Variants in ALMS1 observed in about 807,000 individuals in gnomAD.
ALMS1 encodes centrosome-associated protein ALMS1.
ALMS1 carries 271 observed loss-of-function variants against 352.2 expected under a neutral mutation model. That is an observed-to-expected ratio of 0.77 (90% CI 0.70 to 0.85). ALMS1 has a LOEUF of 0.85. ALMS1 is among the 40% of genes least tolerant of loss of function. The pLI, the probability that ALMS1 is intolerant of heterozygous loss-of-function variation, is 0.00. For missense variants in ALMS1, 5,445 were observed against 4,870.7 expected (o/e 1.12, Z -3.51); for synonymous variants, 1,865 against 1,761.2 (o/e 1.06, Z -1.48).
chr2:73,496,285 T>C (rs1371298770), intron 10 of ALMS1, among the ~76,000 whole-genome samples: 9 of 152,220 alleles, frequency 5.9e-5, no homozygotes, highest in Admixed American at 5.9e-4. Flanking sequence ...CCCTGGTCTG[T>C]ATTCTTCCTT....
intron 11 of ALMS1, among the ~76,000 whole-genome samples, chr2:73,532,091 T>C (rs1333109841): frequency 2.0e-5 from 3 of 152,214 alleles, no homozygotes; most frequent in Non-Finnish European, 4.4e-5. Context: ...CTTTACTTTC[T>C]CCCAAAGAAA....
At position 73,451,140 on chromosome 2, in the gene ALMS1, T is replaced by C; in HGVS notation, c.4613T>C (p.Leu1538Ser). 2 of 1,613,990 alleles carry C rather than the reference T, an allele frequency of 1.2e-6. No homozygotes were observed. Among genetic ancestry groups the C allele is most frequent in the East Asian group, 4.5e-5 (2 of 44,862 alleles). ...AKSGSFYQLA[L>S]LGSQIPEEAL... ...TCTGGCAGTTTCTACCAACTGGCAT[T>C]GCTAGGTAGTCAAATACCTGAAGAG... The change falls in exon 8 of 23, where the codon TTG becomes TCG. Residue 1538 changes from leucine (L) to serine (S), a missense_variant. Coordinates refer to ENST00000613296, the MANE Select transcript of ALMS1 (RefSeq NM_001378454.1).
chr2:73,403,396 CT>C (rs765689512), intron 1 of ALMS1, among the ~76,000 whole-genome samples: 14 of 152,078 alleles, frequency 9.2e-5, no homozygotes, highest in Non-Finnish European at 1.9e-4. Context: ...TACATGTCTA[CT>C]TTTTATGCCA....
chr2:73,490,457 T>A lies in ALMS1; in HGVS notation c.8498T>A (p.Phe2833Tyr). 6.2e-7 allele frequency: 1 copy of A among 1,614,172 alleles called. No homozygotes were observed. Among genetic ancestry groups the A allele is most frequent in the Non-Finnish European group, 8.5e-7 (1 of 1,180,040 alleles). The change falls in exon 10 of 23, where the codon TTC becomes TAC. Residue 2833 changes from phenylalanine to tyrosine, a missense_variant. Phe to Tyr is a conservative substitution (Grantham distance 22). Transcript: ENST00000613296. The part of the protein sequence containing the change: ...EPSTRANCSN[F>Y]KEIQISDNHT... ...AGTACCAGGGCAAATTGTAGCAATTTCAAGGAAATTCAGATTTCTGATAAC... is the reference window on the plus strand; with the variant it reads ...AGTACCAGGGCAAATTGTAGCAATTACAAGGAAATTCAGATTTCTGATAAC...
intron 12 of ALMS1, among the ~76,000 whole-genome samples, chr2:73,544,557 A>C (rs1360317035): frequency 1.3e-5 from 2 of 152,212 alleles, no homozygotes; most frequent in African/African-American, 4.8e-5. Flanking sequence ...GAAAATTATC[A>C]GTGTTGTCAG....
chr2:73,498,139 C>T (rs976131883), intron 10 of ALMS1, among the ~76,000 whole-genome samples: 23 of 151,980 alleles, frequency 1.5e-4, no homozygotes, highest in Admixed American at 1.4e-3. Flanking sequence ...TTTAAAAATG[C>T]TAACAATTAT....
intron 10 of ALMS1, among the ~76,000 whole-genome samples, chr2:73,504,165 C>T (rs1418402806): frequency 6.6e-6 from 1 of 152,140 alleles, no homozygotes; most frequent in African/African-American, 2.4e-5. Flanking sequence ...AATGTCCTTA[C>T]ATAACTATAA....
chr2:73,427,611 A>T (rs1316634446), intron 6 of ALMS1, among the ~76,000 whole-genome samples: 2 of 151,882 alleles, frequency 1.3e-5, no homozygotes, highest in African/African-American at 4.8e-5. Flanking sequence ...TACATTAGGT[A>T]TTTCTCCTAA....
chr2:73,556,008 T>C (rs1393424829), intron 13 of ALMS1, among the ~76,000 whole-genome samples: 1 of 152,148 alleles, frequency 6.6e-6, no homozygotes, highest in African/African-American at 2.4e-5. Context: ...ATCCTTGATA[T>C]TGATAAACTG....
intron 1 of ALMS1, among the ~76,000 whole-genome samples, chr2:73,392,722 G>A (rs1670675730): frequency 6.6e-6 from 1 of 152,092 alleles, no homozygotes; most frequent in African/African-American, 2.4e-5. Flanking sequence ...ATATGGATAT[G>A]TGATATTTTG....
At chr2:73,569,684 A>C (rs1236396751) in intron 15 of ALMS1, among the ~76,000 whole-genome samples, 1 of 152,186 alleles carries the variant, frequency 6.6e-6, no homozygotes, top group Non-Finnish European at 1.5e-5. Flanking sequence ...TTATAAATGA[A>C]ATAAGCCATA....
intron 1 of ALMS1, among the ~76,000 whole-genome samples, chr2:73,399,650 G>T (rs1670832070): frequency 6.6e-6 from 1 of 151,888 alleles, no homozygotes; most frequent in Admixed American, 6.6e-5. Context: ...CAACACTGGG[G>T]ATTACATTTC....
intron 21 of ALMS1, chr2:73,604,080 A>G (rs1390096556): frequency 6.6e-6 from 1 of 152,226 alleles, no homozygotes; most frequent in African/African-American, 2.4e-5. Flanking sequence ...ATTTGTGCCT[A>G]TGTAGATGTG....
intron 1 of ALMS1, among the ~76,000 whole-genome samples, chr2:73,391,980 G>T (rs1176939916): frequency 6.6e-6 from 1 of 152,000 alleles, no homozygotes; most frequent in Non-Finnish European, 1.5e-5. Flanking sequence ...ATTCTTTTCA[G>T]TAAGGGTTTC....
intron 6 of ALMS1, among the ~76,000 whole-genome samples, chr2:73,430,631 C>T (rs964792829): frequency 6.6e-6 from 1 of 152,136 alleles, no homozygotes. Context: ...TGTATTTTTA[C>T]TGTACCTTTC....
At chr2:73,563,334 C>A (rs1327851267) in intron 15 of ALMS1, among the ~76,000 whole-genome samples, 2 of 152,028 alleles carry the variant, frequency 1.3e-5, no homozygotes, top group Non-Finnish European at 2.9e-5. Context: ...GGATATTTTG[C>A]ATAAATCTTT....
intron 17 of ALMS1, 43 bp from the exon 18 acceptor site, chr2:73,600,635 C>T: frequency 6.4e-7 from 1 of 1,555,876 alleles, no homozygotes; most frequent in Non-Finnish European, 8.7e-7. Context: ...GTCAACTCAG[C>T]CTCAAGGTTA....
intron 10 of ALMS1, among the ~76,000 whole-genome samples, chr2:73,509,649 C>A (rs1168967979): frequency 6.6e-6 from 1 of 152,162 alleles, no homozygotes; most frequent in Non-Finnish European, 1.5e-5. Context: ...GATGGGCTTC[C>A]CTTTATGGGT....
chr2:73,423,380 T>C (rs1187087316), intron 4 of ALMS1, among the ~76,000 whole-genome samples: 4 of 152,332 alleles, frequency 2.6e-5, no homozygotes, highest in Non-Finnish European at 1.5e-5. Flanking sequence ...TCAGCTGTTA[T>C]TGAATGAGAC....
Sources: gnomAD v4.1 joint callset for allele counts (sites outside exome capture counted in the v4.1 genomes callset) on GRCh38, gnomAD v4.1.1 for gene constraint, MANE v1.5 for transcripts, NCBI Gene and HGNC (gene_info 2026-07-23, HGNC 2026-07-21) for gene names.